The following AP1B1 variants were observed in gnomAD, a reference collection of about 807,000 sequenced individuals.
AP1B1 encodes the protein AP-1 complex subunit beta-1.
In AP1B1, 36 loss-of-function variants were observed where a neutral mutation model predicts 104.3. The ratio of observed to expected loss-of-function variants is 0.35; its 90% CI spans 0.26 to 0.46. The LOEUF (loss-of-function observed/expected upper bound fraction) is 0.46, where lower values mean the gene tolerates loss of function less well. Ranked by LOEUF, AP1B1 falls within the 20% of genes least tolerant of loss-of-function variation. AP1B1 has a pLI of 1.00. For synonymous variants in AP1B1, 504 were observed against 517.5 expected (o/e 0.97, Z 0.35); for missense variants, 901 against 1,247.9 (o/e 0.72, Z 4.19).
At chr22:29,368,811 T>C (rs1450479298) in intron 1 of AP1B1, among the ~76,000 whole-genome samples, 4 of 150,924 alleles carry the variant, frequency 2.7e-5, no homozygotes, top group African/African-American at 9.7e-5. Context: ...TGTAGTCCCA[T>C]CTACTTGGGA....
intron 3 of AP1B1, among the ~76,000 whole-genome samples, chr22:29,361,370 A>T (rs1218978467): frequency 5.3e-5 from 8 of 152,240 alleles, no homozygotes; most frequent in African/African-American, 1.7e-4. Flanking sequence ...CCGGGTTATG[A>T]GGCACAGGGC....
intron 5 of AP1B1, among the ~76,000 whole-genome samples, chr22:29,357,764 G>A (rs1159740828): frequency 7.1e-6 from 1 of 141,302 alleles, no homozygotes; most frequent in Non-Finnish European, 1.5e-5. Flanking sequence ...TTAGCTCACT[G>A]CAACCTCCGA....
intron 1 of AP1B1, among the ~76,000 whole-genome samples, chr22:29,386,365 G>C (rs896608262): frequency 2.0e-5 from 3 of 152,194 alleles, no homozygotes; most frequent in Non-Finnish European, 4.4e-5. Context: ...AGCTCAGGGT[G>C]AAGCCTCCAC....
At chr22:29,330,300 G>A (rs779393692) in intron 21 of AP1B1, 78 bp downstream of exon 21, 18 of 1,592,768 alleles carry the variant, frequency 1.1e-5, no homozygotes, top group East Asian at 4.5e-5. Context: ...CTTGGACCGC[G>A]TCCTCCACCA....
intron 11 of AP1B1, among the ~76,000 whole-genome samples, chr22:29,344,906 T>C (rs1248772850): frequency 6.6e-6 from 1 of 152,090 alleles, no homozygotes; most frequent in East Asian, 1.9e-4. Flanking sequence ...ATGAGTTCCA[T>C]AATTGTCAAG....
Position 29,359,902 on chromosome 22 carries a change from C to T in AP1B1, c.201G>A (p.Lys67=), listed in dbSNP as rs368021350. 65 of 1,613,948 alleles carry T rather than the reference C, an allele frequency of 4.0e-5. No individual in the cohort carries two copies. The highest frequency in any genetic ancestry group is 5.3e-5 in the Non-Finnish European group (62 of 1,179,986). The change falls in exon 4 of 23, where the codon AAG becomes AAA. Residue 67 remains lysine (K), a synonymous_variant. Coordinates refer to ENST00000357586, the MANE Select transcript of AP1B1 (RefSeq NM_001127.4). ...AATTCATCAAGTAGAGGTATACTAG[C>T]TTCTTCAGCTCCAGGTTGTCCGTCT... ...CMQTDNLELK[K]LVYLYLMNYA... is the part of the protein sequence containing the mutation.
At chr22:29,335,225 C>T (rs2061621212) in intron 16 of AP1B1, among the ~76,000 whole-genome samples, 1 of 152,142 alleles carries the variant, frequency 6.6e-6, no homozygotes, top group Non-Finnish European at 1.5e-5. Flanking sequence ...CATCCACCAG[C>T]GGCATCCTGT....
chr22:29,373,566 C>A (rs2062278036), intron 1 of AP1B1, among the ~76,000 whole-genome samples: 1 of 152,088 alleles, frequency 6.6e-6, no homozygotes, highest in Non-Finnish European at 1.5e-5. Flanking sequence ...ACTGGACACA[C>A]TGTACACTTA....
rs948781037 is a variant in AP1B1, at chr22:29,340,746, G to T, written c.1908C>A (p.Asp636Glu). 7 of 1,597,288 alleles carry T rather than the reference G, an allele frequency of 4.4e-6. No individual in the cohort carries two copies. Among genetic ancestry groups the T allele is most frequent in the Middle Eastern group, 1.7e-4 (1 of 6,056 alleles). ...GTGGGCCGCTCACTGGGGGGCCGAG[G>T]TCCAGGTTGAGGAGGTCACCCAGCA... is the stretch of plus-strand genomic sequence containing the variant. Reference protein sequence around the residue: ...GDLLGDLLNLDLGPPVSGPPL... With the variant: ...GDLLGDLLNLELGPPVSGPPL... Residue 636 changes from aspartate (D) to glutamate (E), a missense_variant, in exon 14 of 23, where the codon GAC becomes GAA. Physicochemically the swap from Asp to Glu is conservative, Grantham distance 45. Transcript: ENST00000357586.
At position 29,359,930 on chromosome 22, in the gene AP1B1, A is replaced by G. The variant is rs1321421805; in HGVS notation, c.173T>C (p.Met58Thr). ...SALFPDVVNC[M>T]QTDNLELKKL... is the part of the protein sequence containing the mutation. ...CTTCAGCTCCAGGTTGTCCGTCTGC[A>G]TGCAGTTGACCACATCGGGGAAGAG... The change falls in exon 4 of 23, where the codon ATG becomes ACG. Residue 58 changes from methionine to threonine, a missense_variant. By Grantham distance (81) the Met-to-Thr change is moderately conservative. Transcript: ENST00000357586. 1 of 1,614,014 alleles carries G rather than the reference A, an allele frequency of 6.2e-7. No homozygotes were observed. Among genetic ancestry groups the G allele is most frequent in the South Asian group, 1.1e-5 (1 of 90,990 alleles).
intron 1 of AP1B1, among the ~76,000 whole-genome samples, chr22:29,373,419 G>A (rs947542675): frequency 1.4e-4 from 22 of 152,284 alleles, no homozygotes; most frequent in African/African-American, 4.1e-4. Flanking sequence ...AAGATTTCAT[G>A]TGTACAAAGC....
intron 22 of AP1B1, 199 bp from the exon 23 acceptor site, chr22:29,329,094 C>G (rs2061518654): frequency 7.2e-7 from 1 of 1,392,314 alleles, no homozygotes; most frequent in Non-Finnish European, 9.3e-7. Context: ...ACCAAATATA[C>G]TTGCAGCCCA....
intron 1 of AP1B1, among the ~76,000 whole-genome samples, chr22:29,373,340 T>G (rs551645344): frequency 8.3e-4 from 126 of 152,340 alleles, no homozygotes; most frequent in African/African-American, 2.9e-3. Flanking sequence ...CACATATTTC[T>G]TCTGACAAGG....
At chr22:29,365,032 A>C (rs771375982) in intron 2 of AP1B1, among the ~76,000 whole-genome samples, 1 of 152,136 alleles carries the variant, frequency 6.6e-6, no homozygotes, top group East Asian at 1.9e-4. Flanking sequence ...CTCTAAGCCT[A>C]GTCCCATACT....
At chr22:29,387,193 G>T (rs936983770) in intron 1 of AP1B1, among the ~76,000 whole-genome samples, 1 of 152,078 alleles carries the variant, frequency 6.6e-6, no homozygotes, top group Non-Finnish European at 1.5e-5. Context: ...CAGCCTGTAG[G>T]ATTGTTTTAT....
intron 22 of AP1B1, 105 bp downstream of exon 22, chr22:29,329,607 A>C: frequency 1.3e-6 from 2 of 1,566,828 alleles, no homozygotes; most frequent in Non-Finnish European, 1.7e-6. Context: ...GGGTGAGGTG[A>C]GGCCAAGAGA....
intron 21 of AP1B1, 156 bp from the exon 22 acceptor site, chr22:29,329,876 G>C (rs770039679): frequency 1.2e-5 from 17 of 1,473,200 alleles, no homozygotes; most frequent in Non-Finnish European, 1.5e-5. Flanking sequence ...GCCTGCCAGA[G>C]ACTCAGGGGT....
At chr22:29,375,723 C>T (rs1185835018) in intron 1 of AP1B1, among the ~76,000 whole-genome samples, 3 of 152,212 alleles carry the variant, frequency 2.0e-5, no homozygotes, top group African/African-American at 7.2e-5. Flanking sequence ...CAACTACCCC[C>T]ATCTCTGGGC....
At chr22:29,359,314 G>A (rs1054770372) in intron 4 of AP1B1, among the ~76,000 whole-genome samples, 1 of 152,122 alleles carries the variant, frequency 6.6e-6, no homozygotes, top group African/African-American at 2.4e-5. Flanking sequence ...CACAGCCCTC[G>A]GTCTTTCCAC....
Sources: gnomAD v4.1 joint callset for allele counts (sites outside exome capture counted in the v4.1 genomes callset) on GRCh38, gnomAD v4.1.1 for gene constraint, MANE v1.5 for transcripts, NCBI Gene and HGNC (gene_info 2026-07-23, HGNC 2026-07-21) for gene names.